The following INTS3 variants were observed in gnomAD, a reference collection of about 807,000 sequenced individuals.
INTS3 encodes the protein integrator complex subunit 3.
Under a neutral mutation model 146.3 loss-of-function variants are expected in INTS3, and 34 were observed. The observed-to-expected ratio is 0.23, with a 90% CI of 0.18 to 0.31. INTS3 has a LOEUF of 0.31. INTS3 is among the 10% of genes least tolerant of loss of function. The pLI is 1.00. For missense variants in INTS3, 757 were observed against 1,304.2 expected, an observed-to-expected ratio of 0.58 and a Z score of 6.46; for synonymous variants, 475 against 494.9, an observed-to-expected ratio of 0.96 and a Z score of 0.53.
intron 14 of INTS3, 56 bp from the exon 15 acceptor site, chr1:153,762,672 G>A: frequency 6.2e-7 from 1 of 1,603,298 alleles, no homozygotes; most frequent in Non-Finnish European, 8.5e-7. Flanking sequence ...AGAAGCATGG[G>A]GCATGTTAGA....
At position 153,772,346 on chromosome 1, in the gene INTS3, G is replaced by A; in HGVS notation, c.2727G>A (p.Arg909=). Residue 909 remains arginine (R), a synonymous_variant, in exon 27 of 30, where the codon AGG becomes AGA. Transcript: ENST00000318967. The surrounding 1 kb of genome is among the most constrained non-coding windows in gnomAD (Gnocchi z 4.6). ...TCTGGTGATTCCTGCACAGCCTGAG[G>A]AGCTCTAGCAGCAAGCTGGCCCAGC... ...NSLPRKRQSL[R]SSSSKLAQLT... is the part of the protein sequence containing the mutation. 1 of 1,613,928 alleles carries A rather than the reference G, an allele frequency of 6.2e-7. No individual in the cohort carries two copies. Among genetic ancestry groups the A allele is most frequent in the Non-Finnish European group, 8.5e-7 (1 of 1,179,928 alleles).
intron 1 of INTS3, among the ~76,000 whole-genome samples, chr1:153,729,405 C>G (rs965007880): frequency 6.6e-6 from 1 of 152,182 alleles, no homozygotes; most frequent in African/African-American, 2.4e-5. Flanking sequence ...GAGAACACAT[C>G]GCTTCTGAAA....
chr1:153,770,504 G>A (rs1034471099), intron 24 of INTS3, among the ~76,000 whole-genome samples, 181 bp from the exon 25 acceptor site: 3 of 152,198 alleles, frequency 2.0e-5, no homozygotes, highest in African/African-American at 7.2e-5. Context: ...CATGAGCCAG[G>A]CTCTGGGCTG....
At chr1:153,760,426 G>T (rs1672339452) in intron 12 of INTS3, 36 bp downstream of exon 12, 2 of 1,545,424 alleles carry the variant, frequency 1.3e-6, no homozygotes, top group Non-Finnish European at 8.9e-7. Flanking sequence ...CCCATGCCTG[G>T]ATGAGCAGAA....
chr1:153,763,775 T>C, intron 16 of INTS3, 57 bp from the exon 17 acceptor site: 2 of 1,442,506 alleles, frequency 1.4e-6, no homozygotes, highest in Non-Finnish European at 1.9e-6. Context: ...TGGGTGTGTG[T>C]CCTGCCCTCT....
intron 8 of INTS3, among the ~76,000 whole-genome samples, chr1:153,754,120 CTCATG>C (rs1436178977): frequency 6.6e-6 from 1 of 152,020 alleles, no homozygotes; most frequent in African/African-American, 2.4e-5. Context: ...TTTTTGTTCT[CTCATG>C]TCAGGCAGGT....
chr1:153,742,887 A>C (rs1005294587), intron 3 of INTS3, among the ~76,000 whole-genome samples: 7 of 152,340 alleles, frequency 4.6e-5, no homozygotes, highest in Admixed American at 3.3e-4. Context: ...GCTGGTTGAC[A>C]CCTTTGCTAG....
rs1490482025 is a variant in INTS3, at chr1:153,740,700, C to T, written c.200C>T (p.Ser67Leu). ...SIVTSMTAGV[S>L]EREANDALNA... ...GTGACATCGATGACTGCTGGTGTCTCGGAGAGAGAAGCCAATGATGCCCTC... is the reference window on the plus strand; with the variant it reads ...GTGACATCGATGACTGCTGGTGTCTTGGAGAGAGAAGCCAATGATGCCCTC... Residue 67 changes from serine (S) to leucine (L), a missense_variant, in exon 2 of 30, where the codon TCG (serine) becomes TTG (leucine). Ser to Leu is a moderately radical substitution (Grantham distance 145, BLOSUM62 -2). Transcript: ENST00000318967. 6 of 1,613,950 alleles carry T rather than the reference C, an allele frequency of 3.7e-6. No individual in the cohort carries two copies. Among genetic ancestry groups the T allele is most frequent in the South Asian group, 1.1e-5 (1 of 91,070 alleles).
rs567836690 is a variant in INTS3 at position 153,752,842 on chromosome 1, C to T, written c.859+434C>T. Among the ~76,000 whole-genome samples, 47 of 152,206 alleles carry T rather than the reference C, an allele frequency of 3.1e-4. 1 individual carries two copies. In the South Asian group the frequency reaches 9.8e-3, roughly 32 times the overall value. The stretch of plus-strand genomic sequence containing the variant: ...CCCCTCCCTGGGAACAGTCTTGCCT[C>T]GAATTCCAAGGATCCAGCTTGGGCA... On this transcript the variant is annotated intron_variant, in intron 8 of 29. Transcript: ENST00000318967.
rs758373662 is a variant in INTS3 at position 153,729,015 on chromosome 1, G to T, written c.150+231G>T. Among the ~76,000 whole-genome samples the T allele has an allele frequency of 1.3e-5, 2 of 152,102 alleles. 1 individual carries two copies. The highest frequency in any genetic ancestry group is 2.9e-5 in the Non-Finnish European group (2 of 68,014). On this transcript the variant is annotated intron_variant, in intron 1 of 29. Transcript: ENST00000318967. ...CCACTAGTATGAAAATGGGTGGGGG[G>T]TGTTGGTGAAGGAAGGGATACAACA...
intron 3 of INTS3, among the ~76,000 whole-genome samples, chr1:153,744,890 A>G (rs967558558): frequency 8.5e-5 from 13 of 152,156 alleles, no homozygotes; most frequent in African/African-American, 2.7e-4. Context: ...TAACGTTGAT[A>G]CAAGAGGTGG....
chr1:153,746,046 C>T (rs1163373343), intron 3 of INTS3, among the ~76,000 whole-genome samples: 2 of 152,172 alleles, frequency 1.3e-5, no homozygotes, highest in African/African-American at 2.4e-5. Flanking sequence ...GCACTCCAGC[C>T]CAGGCAACAA....
In INTS3 at chr1:153,752,368, T is replaced by G. The variant is rs200771347; in HGVS notation, c.819T>G (p.Asp273Glu). The change falls in exon 8 of 30, where the codon GAT (aspartate) becomes GAG (glutamate). Residue 273 changes from aspartate to glutamate, a missense_variant. This residue lies in a region of INTS3 where 134 missense variants were observed against 243.1 expected (regional missense o/e 0.55). Transcript: ENST00000318967. ...CAGAATTTGAACTGCTTTGGAAAGA[T>G]ATTATCCATAATCCTCAGGCCTTGA... ...RIPEFELLWK[D>E]IIHNPQALSP... is the part of the protein sequence containing the mutation. 1.2e-6 allele frequency: 2 copies of G among 1,613,672 alleles called. No homozygotes were observed. Among genetic ancestry groups the G allele is most frequent in the Non-Finnish European group, 1.7e-6 (2 of 1,179,856 alleles).
At chr1:153,752,228 A>G (rs1671984524) in intron 7 of INTS3, 51 bp from the exon 8 acceptor site, 1 of 1,576,162 alleles carries the variant, frequency 6.3e-7, no homozygotes, top group Non-Finnish European at 8.7e-7. Flanking sequence ...CAGGTAAACA[A>G]TCCATGTTTT....
chr1:153,751,019 A>G, intron 6 of INTS3, 76 bp from the exon 7 acceptor site: 2 of 1,472,210 alleles, frequency 1.4e-6, no homozygotes, highest in South Asian at 2.5e-5. Context: ...CACTGTAGCC[A>G]AGCCCAAGAA....
At chr1:153,747,167 C>T (rs1025337292) in intron 4 of INTS3, 97 bp downstream of exon 4, 48 of 1,238,504 alleles carry the variant, frequency 3.9e-5, no homozygotes, top group Middle Eastern at 1.9e-4. Flanking sequence ...CTAACACACC[C>T]CTATCATTGT....
intron 24 of INTS3, 28 bp from the exon 25 acceptor site, chr1:153,770,657 C>G: frequency 6.2e-7 from 1 of 1,603,688 alleles, no homozygotes; most frequent in Non-Finnish European, 8.5e-7. Context: ...TACCTTCCCC[C>G]TGAACAGCCT....
At chr1:153,768,022 G>A (rs1369431647) in intron 21 of INTS3, among the ~76,000 whole-genome samples, 195 bp downstream of exon 21, 1 of 152,154 alleles carries the variant, frequency 6.6e-6, no homozygotes, top group Non-Finnish European at 1.5e-5. Flanking sequence ...AAAACTCCCT[G>A]AATTCCTATA....
intron 7 of INTS3, 103 bp from the exon 8 acceptor site, chr1:153,752,176 C>T: frequency 8.6e-7 from 1 of 1,158,466 alleles, no homozygotes; most frequent in Non-Finnish European, 1.3e-6. Context: ...ACCCTCTTTC[C>T]TTCCCTCCCT....
Sources: gnomAD v4.1 joint callset for allele counts (sites outside exome capture counted in the v4.1 genomes callset) on GRCh38, gnomAD v4.1.1 for gene constraint, gnomAD v4.1.1 regional missense constraint, Gnocchi (gnomAD v3.1) non-coding constraint, MANE v1.5 for transcripts, NCBI Gene and HGNC (gene_info 2026-07-23, HGNC 2026-07-21) for gene names.